Variants in CFAP91 observed in about 807,000 individuals in gnomAD.
CFAP91 encodes the protein cilia and flagella associated protein 91.
A neutral mutation model predicts 95.9 loss-of-function variants in CFAP91; 85 were observed. The ratio of observed to expected loss-of-function variants is 0.89; its 90% CI spans 0.74 to 1.06. The LOEUF (loss-of-function observed/expected upper bound fraction) is 1.06, where lower values mean the gene tolerates loss of function less well. Among genes scored for constraint, CFAP91 ranks in the 50% least tolerant of loss-of-function variants. The pLI is 0.00. For synonymous variants in CFAP91, 335 were observed against 327.5 expected, an observed-to-expected ratio of 1.02 and a Z score of -0.25; for missense variants, 962 against 943.4, an observed-to-expected ratio of 1.02 and a Z score of -0.26.
At chr3:119,719,160 T>C (rs4687879) in intron 6 of CFAP91, among the ~76,000 whole-genome samples, 141,299 of 152,238 alleles carry the variant, frequency 0.93, 66,479 homozygotes, top group East Asian at 1. Flanking sequence ...TGTATATAAT[T>C]GCGTATATAA....
At chr3:119,723,643 T>C (rs2053726010) in intron 6 of CFAP91, among the ~76,000 whole-genome samples, 1 of 152,194 alleles carries the variant, frequency 6.6e-6, no homozygotes. Flanking sequence ...TAAACATCAG[T>C]ACTGTGTCTT....
At chr3:119,703,310 C>T in intron 1 of CFAP91, 88 bp downstream of exon 1, 1 of 1,556,932 alleles carries the variant, frequency 6.4e-7, no homozygotes, top group Non-Finnish European at 8.7e-7. Flanking sequence ...AGGGGCATGG[C>T]GAACGAAACA....
intron 17 of CFAP91, among the ~76,000 whole-genome samples, chr3:119,753,421 C>G (rs2054363243): frequency 6.6e-6 from 1 of 152,012 alleles, no homozygotes; most frequent in African/African-American, 2.4e-5. Context: ...AATCTCAATC[C>G]CAGAAATTGA....
intron 12 of CFAP91, 77 bp downstream of exon 12, chr3:119,739,403 T>A (rs2054073883): frequency 7.6e-7 from 1 of 1,312,214 alleles, no homozygotes; most frequent in African/African-American, 1.5e-5. Flanking sequence ...GCTTGGTTCC[T>A]TGGAGTGAAT....
In CFAP91 at chr3:119,765,366, T is replaced by C. The variant is rs904975677; in HGVS notation, c.*316T>C. The C allele has an allele frequency of 6.6e-6, 1 of 152,232 alleles. No individual in the cohort carries two copies. The highest frequency in any genetic ancestry group is 2.4e-5 in the African/African-American group (1 of 41,474). The allele number at this position is 152,232 out of a possible 1,614,324, so 9.4% of individuals were successfully genotyped here. ...TCAAACAAAAGGAAATGTTGTGGAA[T>C]ATTTTTCCAAGTAGTTTTGGTTCAC... On this transcript the variant is annotated 3_prime_UTR_variant, in exon 18 of 18. Transcript: ENST00000273390.
intron 17 of CFAP91, among the ~76,000 whole-genome samples, chr3:119,759,961 A>C (rs1488710205): frequency 6.6e-6 from 1 of 151,918 alleles, no homozygotes; most frequent in African/African-American, 2.4e-5. Context: ...CAAGAGAGGA[A>C]GAAAGGAATA....
At chr3:119,742,108 T>C (rs910821152) in intron 13 of CFAP91, among the ~76,000 whole-genome samples, 1 of 152,224 alleles carries the variant, frequency 6.6e-6, no homozygotes, top group Non-Finnish European at 1.5e-5. Context: ...TTAGTGGGTA[T>C]AGCTAAGCTA....
In CFAP91 at chr3:119,720,396, C is replaced by CAA. The variant is rs34084407; in HGVS notation, c.682+4665_682+4666dup. Among the ~76,000 whole-genome samples the CAA allele has an allele frequency of 2.8e-3, 363 of 129,720 alleles. 2 individuals are homozygous for CAA. The highest frequency in any genetic ancestry group is 6.3e-3 in the East Asian group (29 of 4,604). 85.1% of individuals were successfully genotyped at this position (129,720 alleles called of 152,430 possible). On this transcript the variant is annotated intron_variant, in intron 6 of 17. Transcript: ENST00000273390. The stretch of plus-strand genomic sequence containing the variant: ...TGGGCGACAGAGCAAGACTCTGTCT[C>CAA]AAAAAAAAAAAAAGAAAAGAAAACT...
intron 12 of CFAP91, among the ~76,000 whole-genome samples, chr3:119,740,122 C>G (rs1363942566): frequency 6.6e-6 from 1 of 152,080 alleles, no homozygotes; most frequent in Non-Finnish European, 1.5e-5. Context: ...CAGTATTTTC[C>G]CAAGAGAAAT....
chr3:119,709,589 T>G (rs940349963), intron 4 of CFAP91, among the ~76,000 whole-genome samples: 2 of 152,234 alleles, frequency 1.3e-5, no homozygotes, highest in African/African-American at 2.4e-5. Flanking sequence ...GGAGTGTTTA[T>G]TAAGAATGCA....
At chr3:119,710,741 A>G (rs1317542979) in intron 5 of CFAP91, among the ~76,000 whole-genome samples, 1 of 152,090 alleles carries the variant, frequency 6.6e-6, no homozygotes, top group Non-Finnish European at 1.5e-5. Context: ...CTTAATAACC[A>G]TCTAATCTAC....
chr3:119,757,999 A>C (rs1481949124), intron 17 of CFAP91, among the ~76,000 whole-genome samples: 1 of 152,182 alleles, frequency 6.6e-6, no homozygotes, highest in Admixed American at 6.5e-5. Flanking sequence ...TTAACCATTG[A>C]CACTTCTATA....
intron 13 of CFAP91, 51 bp downstream of exon 13, chr3:119,740,746 G>T (rs757686743): frequency 6.4e-7 from 1 of 1,561,878 alleles, no homozygotes; most frequent in East Asian, 2.3e-5. Context: ...TTTCTCCCTT[G>T]ATTTTATCAT....
chr3:119,704,025 G>A (rs566186011), intron 1 of CFAP91, among the ~76,000 whole-genome samples: 112 of 152,312 alleles, frequency 7.4e-4, no homozygotes, highest in Non-Finnish European at 7.5e-4. Flanking sequence ...TTGCCTCTGG[G>A]AATCCCAGTC....
intron 6 of CFAP91, among the ~76,000 whole-genome samples, chr3:119,724,078 G>A (rs2053734454): frequency 6.6e-6 from 1 of 150,574 alleles, no homozygotes; most frequent in Non-Finnish European, 1.5e-5. Flanking sequence ...TAAGACAGGA[G>A]AATCACTCGA....
rs776330409 is a variant in CFAP91 at position 119,739,343 on chromosome 3, G to A, written c.1533+17G>A. On this transcript the variant is annotated intron_variant, in intron 12 of 17. Transcript: ENST00000273390. ...CAGAACATGGTGTGTAGGTCCAACC[G>A]CTGGCCCTGCATTTCTCTTTTGAGA... 19 of 1,600,660 alleles carry A rather than the reference G, an allele frequency of 1.2e-5. No individual in the cohort carries two copies. Among genetic ancestry groups the A allele is most frequent in the African/African-American group, 1.1e-4 (8 of 74,484 alleles).
At chr3:119,754,844 T>C (rs1484516688) in intron 17 of CFAP91, among the ~76,000 whole-genome samples, 1 of 151,982 alleles carries the variant, frequency 6.6e-6, no homozygotes, top group African/African-American at 2.4e-5. Context: ...CATTGTAGAG[T>C]CAAAGGGGCA....
At chr3:119,730,897 C>A (rs961414575) in intron 8 of CFAP91, among the ~76,000 whole-genome samples, 27 of 152,110 alleles carry the variant, frequency 1.8e-4, no homozygotes, top group African/African-American at 6.5e-4. Context: ...TTATTCACTG[C>A]AAGATTAATA....
rs935582429 is a variant in CFAP91, at chr3:119,766,261, A to G, written c.*1211A>G. 2 of 152,034 alleles carry G rather than the reference A, an allele frequency of 1.3e-5. No individual in the cohort carries two copies. The highest frequency in any genetic ancestry group is 6.5e-5 in the Admixed American group (1 of 15,284). 9.4% of individuals were successfully genotyped at this position (152,034 alleles called of 1,614,324 possible). ...CCACAGCAATCGGAGTTCTTGAAGA[A>G]GAAACCAGAACAAATAAAATAGAAA... On this transcript the variant is annotated 3_prime_UTR_variant, in exon 18 of 18. Transcript: ENST00000273390.
Sources: allele counts gnomAD v4.1 joint callset (sites outside exome capture counted in the v4.1 genomes callset), GRCh38; gene constraint gnomAD v4.1.1; transcripts MANE v1.5; gene names NCBI Gene and HGNC (gene_info 2026-07-23, HGNC 2026-07-21).